Variants in ZNF366 observed in about 807,000 individuals in gnomAD.
ZNF366 encodes the protein zinc finger protein 366.
In ZNF366, 20 loss-of-function variants were observed where a neutral mutation model predicts 47.2. The ratio of observed to expected loss-of-function variants is 0.42; its 90% CI spans 0.30 to 0.62. The LOEUF is 0.62. ZNF366 is among the 20% of genes least tolerant of loss of function. ZNF366 has a pLI of 0.16. For synonymous variants in ZNF366, 421 were observed against 395.1 expected, an observed-to-expected ratio of 1.07 and a Z score of -0.78; for missense variants, 987 against 976.3, an observed-to-expected ratio of 1.01 and a Z score of -0.15.
chr5:72,473,668 T>C (rs1026688933), intron 1 of ZNF366, among the ~76,000 whole-genome samples: 2 of 152,228 alleles, frequency 1.3e-5, no homozygotes, highest in Non-Finnish European at 2.9e-5. Context: ...CCCGGAAACC[T>C]TTGCTCCCTA....
chr5:72,444,113 G>A lies in ZNF366; in HGVS notation c.1878C>T (p.Tyr626=), dbSNP rs373642159. The change falls in exon 5 of 5, where the codon TAC becomes TAT. Residue 626 remains tyrosine, a synonymous_variant. Transcript: ENST00000318442. The stretch of plus-strand genomic sequence containing the variant: ...GGCCAGGGCTGTAGGGCTCCACCTC[G>A]TAGCAGTTATCCTCCTCTTCCTCCT... ...CHEEEEEDNC[Y]EVEPYSPGLA... is the part of the protein sequence containing the mutation. 3.1e-5 allele frequency: 50 copies of A among 1,613,900 alleles called. No homozygotes were observed. The Admixed American group carries it at 3.2e-4, about 10-fold the overall frequency.
Position 72,447,260 on chromosome 5 carries a change from C to A in ZNF366, c.1682G>T (p.Arg561Leu). The A allele has an allele frequency of 6.2e-7, 1 of 1,614,152 alleles. No individual in the cohort carries two copies. Reference protein sequence around the residue: ...HMKVKHGVMERGLHSQGLGRG... With the variant: ...HMKVKHGVMELGLHSQGLGRG... ...GTGATTACCTTGGGAATGAAGGCCC[C>A]GCTCCATGACTCCATGCTTGACTTT... The change falls in exon 4 of 5, where the codon CGG becomes CTG. Residue 561 changes from arginine to leucine, a missense_variant. Around this residue, in one of 3 missense-constraint regions of ZNF366, gnomAD observed 285 missense variants for 234.8 expected, o/e 1.21. Coordinates refer to ENST00000318442, the MANE Select transcript of ZNF366 (RefSeq NM_152625.3).
At chr5:72,470,909 T>C (rs913873963) in intron 1 of ZNF366, among the ~76,000 whole-genome samples, 4 of 152,222 alleles carry the variant, frequency 2.6e-5, no homozygotes, top group Admixed American at 2.0e-4. Flanking sequence ...GAGTGGCATG[T>C]TCCTTTGATA....
chr5:72,486,686 T>C (rs916484607), intron 1 of ZNF366, among the ~76,000 whole-genome samples: 1 of 152,236 alleles, frequency 6.6e-6, no homozygotes, highest in African/African-American at 2.4e-5. Flanking sequence ...TGAGGCCTTC[T>C]TTAGCTCAGG....
intron 1 of ZNF366, among the ~76,000 whole-genome samples, chr5:72,496,330 G>A (rs927055403): frequency 2.6e-5 from 4 of 151,920 alleles, no homozygotes; most frequent in Non-Finnish European, 2.9e-5. Flanking sequence ...TGTCTCTATC[G>A]TTTTGTGCTT....
chr5:72,460,098 G>T, intron 2 of ZNF366, 67 bp downstream of exon 2: 1 of 1,556,878 alleles, frequency 6.4e-7, no homozygotes, highest in South Asian at 1.2e-5. Context: ...CTGCTCCCCA[G>T]TGCTCTGCTC....
intron 1 of ZNF366, among the ~76,000 whole-genome samples, chr5:72,502,830 A>T (rs997635247): frequency 6.6e-6 from 1 of 152,222 alleles, no homozygotes; most frequent in Non-Finnish European, 1.5e-5. Context: ...GATAAATCAA[A>T]AAGTGCTATT....
At position 72,456,437 on chromosome 5, in the gene ZNF366, G is replaced by A. The variant is rs367938255; in HGVS notation, c.1491C>T (p.Ile497=). The A allele has an allele frequency of 1.1e-5, 18 of 1,612,232 alleles. No individual in the cohort carries two copies. Among genetic ancestry groups the A allele is most frequent in the African/African-American group, 8.0e-5 (6 of 74,920 alleles). Reference sequence around the variant, plus strand: ...TGAAAGGCTTCACGTCAGAGTGGACGATCATGTGTGCCTTGAGGGTCTGCT... The same window carrying A: ...TGAAAGGCTTCACGTCAGAGTGGACAATCATGTGTGCCTTGAGGGTCTGCT... ...VQKQTLKAHM[I]VHSDVKPFKC... The change falls in exon 3 of 5, where the codon ATC becomes ATT. Residue 497 remains isoleucine, a synonymous_variant. Coordinates refer to ENST00000318442, the MANE Select transcript of ZNF366 (RefSeq NM_152625.3).
intron 1 of ZNF366, among the ~76,000 whole-genome samples, chr5:72,496,176 G>A (rs1357819913): frequency 6.6e-6 from 1 of 151,948 alleles, no homozygotes; most frequent in Non-Finnish European, 1.5e-5. Flanking sequence ...GCAGTGCGAT[G>A]TGTTTTAGAA....
At chr5:72,472,259 G>GAATATTA (rs1281978810) in intron 1 of ZNF366, among the ~76,000 whole-genome samples, 1 of 152,180 alleles carries the variant, frequency 6.6e-6, no homozygotes, top group African/African-American at 2.4e-5. Flanking sequence ...GAGGAATATT[G>GAATATTA]AACTGGTTGG....
At chr5:72,446,404 C>A (rs1052692842) in intron 4 of ZNF366, among the ~76,000 whole-genome samples, 1 of 152,228 alleles carries the variant, frequency 6.6e-6, no homozygotes, top group Non-Finnish European at 1.5e-5. Context: ...GTATCTGCCG[C>A]TGCGTGTAGT....
chr5:72,458,166 G>A (rs1331246809), intron 2 of ZNF366, among the ~76,000 whole-genome samples: 2 of 151,636 alleles, frequency 1.3e-5, no homozygotes, highest in Non-Finnish European at 2.9e-5. Flanking sequence ...ACAGGTACCC[G>A]CCACCATGCC....
chr5:72,504,749 T>C (rs548527778), intron 1 of ZNF366, among the ~76,000 whole-genome samples: 9 of 152,160 alleles, frequency 5.9e-5, no homozygotes, highest in Admixed American at 3.3e-4. Flanking sequence ...AGTGTTAATA[T>C]ATGACCCTTA....
At chr5:72,471,077 C>T (rs1374015409) in intron 1 of ZNF366, among the ~76,000 whole-genome samples, 4 of 152,166 alleles carry the variant, frequency 2.6e-5, no homozygotes, top group African/African-American at 7.2e-5. Flanking sequence ...TACAGTGTGT[C>T]CTGGGGGAGC....
Position 72,460,873 on chromosome 5 carries a change from G to A in ZNF366, c.624C>T (p.Pro208=), listed in dbSNP as rs780649433. 1 of 1,613,882 alleles carries A rather than the reference G, an allele frequency of 6.2e-7. No homozygotes were observed. The highest frequency in any genetic ancestry group is 1.1e-5 in the South Asian group (1 of 91,070). The change falls in exon 2 of 5, where the codon CCC becomes CCT. Residue 208 remains proline, a synonymous_variant. Coordinates refer to ENST00000318442, the MANE Select transcript of ZNF366 (RefSeq NM_152625.3). ...FSRHTFLPKQ[P]PEPLLPRKAE... ...CTTTCCGGGGCAGCAGAGGTTCCGG[G>A]GGCTGCTTGGGCAGGAAGGTGTGCC...
chr5:72,483,963 A>T (rs1025740328), intron 1 of ZNF366, among the ~76,000 whole-genome samples: 3 of 152,186 alleles, frequency 2.0e-5, no homozygotes, highest in Non-Finnish European at 4.4e-5. Flanking sequence ...AGTTCAAACT[A>T]TGAAAGTAGA....
Position 72,460,529 on chromosome 5 carries a change from T to A in ZNF366, c.968A>T (p.His323Leu), listed in dbSNP as rs769836995. The A allele has an allele frequency of 6.2e-7, 1 of 1,613,936 alleles. No homozygotes were observed. Among genetic ancestry groups the A allele is most frequent in the Non-Finnish European group, 8.5e-7 (1 of 1,180,030 alleles). ...GTGCTGCATCATGTGGCGCTTCAGGTGGCTGGTCTGGGTGAAGGCCTTGTG... is the reference window on the plus strand; with the variant it reads ...GTGCTGCATCATGTGGCGCTTCAGGAGGCTGGTCTGGGTGAAGGCCTTGTG... ...VCHKAFTQTSHLKRHMMQHSE... is the reference protein window; with the variant it reads ...VCHKAFTQTSLLKRHMMQHSE... Residue 323 changes from histidine (H) to leucine (L), a missense_variant, in exon 2 of 5, where the codon CAC becomes CTC. His to Leu is a moderately conservative substitution (Grantham distance 99). Coordinates refer to ENST00000318442, the MANE Select transcript of ZNF366 (RefSeq NM_152625.3).
chr5:72,447,296 G>A lies in ZNF366; in HGVS notation c.1646C>T (p.Thr549Ile), dbSNP rs768721446. ...TCCATGCTTGACTTTCATGTGGCGT[G>A]TCAGGTTCCCCTTCAGGGTGAATTT... is the stretch of plus-strand genomic sequence containing the variant. ...PSKFTLKGNL[T>I]RHMKVKHGVM... The change falls in exon 4 of 5, where the codon ACA (threonine) becomes ATA (isoleucine). Residue 549 changes from threonine (T) to isoleucine (I), a missense_variant. Around this residue, in one of 3 missense-constraint regions of ZNF366, gnomAD observed 111 missense variants for 180.5 expected, o/e 0.61. Transcript: ENST00000318442. The A allele has an allele frequency of 6.2e-7, 1 of 1,614,222 alleles. No individual in the cohort carries two copies. Among genetic ancestry groups the A allele is most frequent in the South Asian group, 1.1e-5 (1 of 91,080 alleles).
At chr5:72,458,732 G>C (rs1743243413) in intron 2 of ZNF366, among the ~76,000 whole-genome samples, 1 of 152,104 alleles carries the variant, frequency 6.6e-6, no homozygotes, top group Non-Finnish European at 1.5e-5. Context: ...AGTAAATGAG[G>C]ATTAAATGAA....
Sources: gnomAD v4.1 joint callset for allele counts (sites outside exome capture counted in the v4.1 genomes callset) on GRCh38, gnomAD v4.1.1 for gene constraint, gnomAD v4.1.1 regional missense constraint, MANE v1.5 for transcripts, NCBI Gene and HGNC (gene_info 2026-07-23, HGNC 2026-07-21) for gene names.